TFDP2: variants seen among roughly 807,000 people sequenced by gnomAD.
TFDP2 encodes the protein transcription factor Dp-2 (E2F dimerization partner 2).
In TFDP2, 17 loss-of-function variants were observed where a neutral mutation model predicts 59.3. The observed-to-expected ratio is 0.29, with a 90% CI of 0.20 to 0.43. The LOEUF (loss-of-function observed/expected upper bound fraction) is 0.43. Ranked by LOEUF, TFDP2 falls within the 20% of genes least tolerant of loss-of-function variation. The probability of loss-of-function intolerance (pLI) is 1.00; values close to 1 mark genes in which losing one functional copy is unlikely to be tolerated. For synonymous variants in TFDP2, 180 were observed against 194.7 expected, an observed-to-expected ratio of 0.92 and a Z score of 0.63; for missense variants, 391 against 528.8, an observed-to-expected ratio of 0.74 and a Z score of 2.56.
intron 6 of TFDP2, among the ~76,000 whole-genome samples, chr3:141,980,764 G>C (rs1185635738): frequency 6.6e-6 from 1 of 152,120 alleles, no homozygotes; most frequent in Non-Finnish European, 1.5e-5. Flanking sequence ...TCGAACTCCT[G>C]ACCTCAAGTG....
intron 2 of TFDP2, among the ~76,000 whole-genome samples, chr3:142,101,047 T>G (rs2061301361): frequency 6.6e-6 from 1 of 152,156 alleles, no homozygotes; most frequent in Non-Finnish European, 1.5e-5. Context: ...CAATTAGACT[T>G]TAATACATAT....
At chr3:141,974,518 T>C (rs935007201) in intron 7 of TFDP2, among the ~76,000 whole-genome samples, 4 of 152,126 alleles carry the variant, frequency 2.6e-5, no homozygotes, top group Admixed American at 6.6e-5. Flanking sequence ...AGCTTAGGTA[T>C]GTAGGATAGA....
At chr3:141,953,085 AG>A in intron 11 of TFDP2, 69 bp from the exon 12 acceptor site, 2 of 1,112,772 alleles carry the variant, frequency 1.8e-6, no homozygotes, top group Non-Finnish European at 1.4e-6. Flanking sequence ...TTACAGTCTG[AG>A]GAAAGCACAG....
intron 9 of TFDP2, among the ~76,000 whole-genome samples, chr3:141,968,804 TC>T (rs1938879781): frequency 1.2e-5 from 1 of 82,788 alleles, no homozygotes; most frequent in Non-Finnish European, 2.2e-5. Flanking sequence ...CATATATATC[TC>T]ATATATAGAT....
intron 8 of TFDP2, among the ~76,000 whole-genome samples, chr3:141,970,650 G>A (rs181200302): frequency 5.1e-4 from 78 of 152,332 alleles, no homozygotes; most frequent in African/African-American, 1.6e-3. Context: ...TCTGGTTACA[G>A]GGACTCTATT....
At chr3:141,977,159 G>A (rs1310252237) in intron 7 of TFDP2, among the ~76,000 whole-genome samples, 13 of 119,138 alleles carry the variant, frequency 1.1e-4, no homozygotes, top group Admixed American at 7.9e-4. Context: ...TTGCTTTGCC[G>A]CCCAGGCTGG....
intron 11 of TFDP2, among the ~76,000 whole-genome samples, chr3:141,955,563 G>A (rs77368048): frequency 0.02 from 3,067 of 152,204 alleles, 101 homozygotes; most frequent in African/African-American, 0.068. Flanking sequence ...CCTTGCAGGG[G>A]ATGAATGGTG....
At chr3:142,100,282 C>T (rs1331602753) in intron 2 of TFDP2, among the ~76,000 whole-genome samples, 3 of 152,218 alleles carry the variant, frequency 2.0e-5, no homozygotes, top group Admixed American at 2.0e-4. Context: ...CTAACTAAAG[C>T]ACTAGTCAAC....
At chr3:142,139,248 C>T (rs2062847686) in intron 1 of TFDP2, among the ~76,000 whole-genome samples, 3 of 152,038 alleles carry the variant, frequency 2.0e-5, no homozygotes, top group African/African-American at 7.2e-5. Context: ...TTATTTTGAG[C>T]CCATGTGTGT....
At chr3:142,091,932 G>C (rs2108616316) in intron 3 of TFDP2, among the ~76,000 whole-genome samples, 1 of 152,252 alleles carries the variant, frequency 6.6e-6, no homozygotes, top group African/African-American at 2.4e-5. Context: ...GGGGACCTCT[G>C]CTCTAGAGTA....
chr3:142,121,001 G>C lies in TFDP2; in HGVS notation c.-92-19160C>G, dbSNP rs2062026043. Among the ~76,000 whole-genome samples the C allele has an allele frequency of 6.6e-6, 1 of 151,988 alleles. No homozygotes were observed. Among genetic ancestry groups the C allele is most frequent in the Non-Finnish European group, 1.5e-5 (1 of 68,012 alleles). On this transcript the variant is annotated intron_variant, in intron 1 of 12. Coordinates refer to ENST00000489671, the MANE Select transcript of TFDP2 (RefSeq NM_001178139.2). This position sits in a 1 kb window ranked among gnomAD's most constrained non-coding sequence, Gnocchi z 4.3. ...AGCTCATCAGACAGAGCCATCTGCA[G>C]ATATTGGGAACTCAATGAAAGAGGC...
intron 1 of TFDP2, among the ~76,000 whole-genome samples, chr3:142,141,590 G>A (rs1278327985): frequency 1.3e-5 from 2 of 152,174 alleles, no homozygotes; most frequent in African/African-American, 2.4e-5. Flanking sequence ...TTGGGAGGCT[G>A]AGGCAGCAGA....
intron 3 of TFDP2, among the ~76,000 whole-genome samples, chr3:142,047,842 A>G (rs112611659): frequency 0.057 from 8,581 of 151,174 alleles, 301 homozygotes; most frequent in Middle Eastern, 0.11. Context: ...CCCGGGTTCA[A>G]GTGATTCTCC....
chr3:142,112,679 T>C (rs2061701700), intron 1 of TFDP2, among the ~76,000 whole-genome samples: 1 of 152,212 alleles, frequency 6.6e-6, no homozygotes, highest in Non-Finnish European at 1.5e-5. Context: ...TGTCACTCCC[T>C]GGCAAATTGA....
In TFDP2 at chr3:142,131,755, C is replaced by A. The variant is rs145615909; in HGVS notation, c.-93+17428G>T. ...GCACGATGTCTCATGCCTGTAATCC[C>A]AGCATTTTGAGAGGCCGAGGCGGGC... is the stretch of plus-strand genomic sequence containing the variant. On this transcript the variant is annotated intron_variant, in intron 1 of 12. Coordinates refer to ENST00000489671, the MANE Select transcript of TFDP2 (RefSeq NM_001178139.2). Among the ~76,000 whole-genome samples, 23 of 150,106 alleles carry A rather than the reference C, an allele frequency of 1.5e-4. 3 individuals carry two copies. Among genetic ancestry groups the A allele is most frequent in the African/African-American group, 5.8e-4 (23 of 39,652 alleles).
In TFDP2 at chr3:141,998,282, C is replaced by T. The variant is rs181191643; in HGVS notation, c.187-3141G>A. Among the ~76,000 whole-genome samples the T allele has an allele frequency of 1.2e-3, 178 of 152,186 alleles. 1 individual carries two copies. The highest frequency in any genetic ancestry group is 4.1e-3 in the African/African-American group (172 of 41,544). On this transcript the variant is annotated intron_variant, in intron 4 of 12. Coordinates refer to ENST00000489671, the MANE Select transcript of TFDP2 (RefSeq NM_001178139.2). ...AAAATTGGTTTATAGGGTGATGAGC[C>T]GGTCATGCTTTCTAACCCTGAACCT...
intron 3 of TFDP2, among the ~76,000 whole-genome samples, chr3:142,022,505 C>A (rs1448154625): frequency 2.6e-5 from 4 of 152,058 alleles, no homozygotes; most frequent in African/African-American, 9.7e-5. Flanking sequence ...GTCAATACAC[C>A]CACCAGATGG....
chr3:141,993,653 T>C lies in TFDP2; in HGVS notation c.309-68A>G. On this transcript the variant is annotated intron_variant, in intron 5 of 12. Coordinates refer to ENST00000489671, the MANE Select transcript of TFDP2 (RefSeq NM_001178139.2). The stretch of plus-strand genomic sequence containing the variant: ...ATACAATTTAATTTCATTAATACTT[T>C]ATTATAACTTGTCTAAAATTATACA... 4 of 917,332 alleles carry C rather than the reference T, an allele frequency of 4.4e-6. No homozygotes were observed. In the South Asian group the frequency reaches 5.1e-5, roughly 12 times the overall value. The allele number at this position is 917,332 out of a possible 1,614,324, so 56.8% of individuals were successfully genotyped here.
chr3:142,134,280 C>T lies in TFDP2; in HGVS notation c.-93+14903G>A, dbSNP rs192526995. ...AGGAGAATCGCCTGAACCCGAGAGGCAGAGGTTGCAGTGGGCCGAGACCGT... is the reference window on the plus strand; with the variant it reads ...AGGAGAATCGCCTGAACCCGAGAGGTAGAGGTTGCAGTGGGCCGAGACCGT... On this transcript the variant is annotated intron_variant, in intron 1 of 12. Transcript: ENST00000489671. Among the ~76,000 whole-genome samples the T allele has an allele frequency of 8.1e-5, 12 of 148,016 alleles. No individual in the cohort carries two copies. The East Asian group carries it at 1.8e-3, about 23-fold the overall frequency.
Sources: allele counts gnomAD v4.1 joint callset (sites outside exome capture counted in the v4.1 genomes callset), GRCh38; gene constraint gnomAD v4.1.1; non-coding constraint Gnocchi (gnomAD v3.1); transcripts MANE v1.5; gene names NCBI Gene and HGNC (gene_info 2026-07-23, HGNC 2026-07-21).